The following FAM168A variants were observed in gnomAD, a reference collection of about 807,000 sequenced individuals.
FAM168A encodes family with sequence similarity 168 member A.
FAM168A carries 3 observed loss-of-function variants against 28.5 expected under a neutral mutation model. The ratio of observed to expected loss-of-function variants is 0.11; its 90% confidence interval spans 0.05 to 0.27. The LOEUF is 0.27. Ranked by LOEUF, FAM168A falls within the 10% of genes least tolerant of loss-of-function variation. The probability of loss-of-function intolerance (pLI) is 1.00; values close to 1 mark genes in which losing one functional copy is unlikely to be tolerated. For missense variants in FAM168A, 222 were observed against 311.5 expected (o/e 0.71, Z 2.16); for synonymous variants, 122 against 124.2 (o/e 0.98, Z 0.12).
intron 2 of FAM168A, among the ~76,000 whole-genome samples, chr11:73,461,261 C>G (rs1029521418): frequency 6.6e-6 from 1 of 152,078 alleles, no homozygotes; most frequent in Non-Finnish European, 1.5e-5. Flanking sequence ...GAACTACAGG[C>G]AGGTGCCACC....
At chr11:73,554,465 G>A (rs958657573) in intron 1 of FAM168A, among the ~76,000 whole-genome samples, 11 of 151,422 alleles carry the variant, frequency 7.3e-5, no homozygotes, top group Non-Finnish European at 1.5e-4. Flanking sequence ...AAAATAAATA[G>A]AAAAAAAACT....
chr11:73,419,779 TA>T (rs1258593921), intron 4 of FAM168A, 94 bp downstream of exon 4: 2 of 1,484,540 alleles, frequency 1.3e-6, no homozygotes, highest in Non-Finnish European at 1.8e-6. Context: ...ATTTATCTCA[TA>T]AATGTCATTT....
At chr11:73,482,546 G>T (rs12289290) in intron 1 of FAM168A, among the ~76,000 whole-genome samples, 3 of 151,910 alleles carry the variant, frequency 2.0e-5, no homozygotes, top group African/African-American at 7.2e-5. Flanking sequence ...GTTTGTTGAA[G>T]AACCCACAGA....
chr11:73,549,389 T>C (rs1418848520), intron 1 of FAM168A, among the ~76,000 whole-genome samples: 1 of 152,218 alleles, frequency 6.6e-6, no homozygotes, highest in Non-Finnish European at 1.5e-5. Context: ...TTTAAATTAA[T>C]TAAAAGTAAA....
chr11:73,522,743 T>C (rs1166072801), intron 1 of FAM168A, among the ~76,000 whole-genome samples: 1 of 147,722 alleles, frequency 6.8e-6, no homozygotes. Context: ...CCAGGCATGG[T>C]GGCTCACGCC....
chr11:73,581,758 G>T (rs1944249962), intron 1 of FAM168A, among the ~76,000 whole-genome samples: 1 of 150,918 alleles, frequency 6.6e-6, no homozygotes, highest in South Asian at 2.1e-4. Context: ...TCCCTCTATT[G>T]CCCAGGCTGG....
chr11:73,582,243 C>T (rs1054852843), intron 1 of FAM168A, among the ~76,000 whole-genome samples: 2 of 150,422 alleles, frequency 1.3e-5, no homozygotes, highest in Admixed American at 6.6e-5. Context: ...TGCCAGAGGC[C>T]GGGCACCGTG....
Position 73,550,059 on chromosome 11 carries a change from C to T in FAM168A, c.-19+47864G>A, listed in dbSNP as rs190579050. ...ATACTTTTTATCATATCGTTTCATA[C>T]GCTATGAATAAATATATATGAATGA... On this transcript the variant is annotated intron_variant, in intron 1 of 7. Transcript: ENST00000356467. Among the ~76,000 whole-genome samples, 203 of 152,184 alleles carry T rather than the reference C, an allele frequency of 1.3e-3. 10 individuals carry two copies. Among genetic ancestry groups the T allele is most frequent in the Non-Finnish European group, 5.1e-4 (35 of 68,010 alleles).
At chr11:73,579,261 C>T (rs1449481085) in intron 1 of FAM168A, among the ~76,000 whole-genome samples, 2 of 152,284 alleles carry the variant, frequency 1.3e-5, no homozygotes, top group East Asian at 3.9e-4. Flanking sequence ...TGAAATCATA[C>T]TATGTGCCAA....
At chr11:73,507,048 A>G (rs1013965899) in intron 1 of FAM168A, among the ~76,000 whole-genome samples, 4 of 152,236 alleles carry the variant, frequency 2.6e-5, no homozygotes, top group African/African-American at 9.6e-5. Flanking sequence ...GACCCTTGAA[A>G]AGAAAACACA....
chr11:73,565,946 T>A (rs1392982737), intron 1 of FAM168A, among the ~76,000 whole-genome samples: 1 of 152,226 alleles, frequency 6.6e-6, no homozygotes, highest in Admixed American at 6.5e-5. Flanking sequence ...GGGCTCAAGC[T>A]GAGATCAAAA....
intron 1 of FAM168A, among the ~76,000 whole-genome samples, chr11:73,597,082 C>T (rs748214562): frequency 6.6e-6 from 1 of 152,034 alleles, no homozygotes; most frequent in Non-Finnish European, 1.5e-5. Flanking sequence ...CTAAATCCAA[C>T]CCACTGTGCC....
At chr11:73,411,656 G>C (rs1251586882) in intron 4 of FAM168A, 120 bp from the exon 5 acceptor site, 1 of 1,081,146 alleles carries the variant, frequency 9.2e-7, no homozygotes, top group Non-Finnish European at 1.4e-6. Context: ...TGGAAACAGA[G>C]ATGAGAACAA....
At chr11:73,474,220 T>C (rs182170158) in intron 1 of FAM168A, among the ~76,000 whole-genome samples, 2 of 152,304 alleles carry the variant, frequency 1.3e-5, no homozygotes, top group African/African-American at 2.4e-5. Context: ...TTCTGGAGCA[T>C]GGGAAGTCCA....
intron 1 of FAM168A, among the ~76,000 whole-genome samples, chr11:73,535,566 C>T (rs1418910252): frequency 6.6e-6 from 1 of 151,206 alleles, no homozygotes; most frequent in Non-Finnish European, 1.5e-5. Context: ...ACTACAGGTG[C>T]CCGCCACCAC....
In FAM168A at chr11:73,573,949, G is replaced by A. The variant is rs111409235; in HGVS notation, c.-19+23974C>T. ...CAGCCTGGGTGACAGAGCAAGATTC[G>A]TCTCAAAATACCAAGGGGCAGGGGT... On this transcript the variant is annotated intron_variant, in intron 1 of 7. Coordinates refer to ENST00000356467, the MANE Select transcript of FAM168A (RefSeq NM_015159.3). 6.4e-3 allele frequency among the ~76,000 whole-genome samples: 960 copies of A among 150,422 alleles called. 10 individuals carry two copies. Among genetic ancestry groups the A allele is most frequent in the African/African-American group, 0.022 (914 of 40,880 alleles).
intron 1 of FAM168A, among the ~76,000 whole-genome samples, chr11:73,508,879 C>G (rs964610800): frequency 3.3e-5 from 5 of 152,080 alleles, no homozygotes; most frequent in African/African-American, 1.2e-4. Flanking sequence ...GTTGAATAAG[C>G]CAGTATGTGT....
chr11:73,461,372 C>T (rs1867644140), intron 2 of FAM168A, among the ~76,000 whole-genome samples: 1 of 152,136 alleles, frequency 6.6e-6, no homozygotes, highest in South Asian at 2.1e-4. Flanking sequence ...CCCCCATCAG[C>T]CTCTTAAAGT....
chr11:73,592,197 T>C (rs1356982683), intron 1 of FAM168A, among the ~76,000 whole-genome samples: 1 of 152,176 alleles, frequency 6.6e-6, no homozygotes, highest in Non-Finnish European at 1.5e-5. Flanking sequence ...ACCTATATCA[T>C]CATAAAATAG....
Sources: gnomAD v4.1 joint callset for allele counts (sites outside exome capture counted in the v4.1 genomes callset) on GRCh38, gnomAD v4.1.1 for gene constraint, MANE v1.5 for transcripts, NCBI Gene and HGNC (gene_info 2026-07-23, HGNC 2026-07-21) for gene names.